Variants in SNTG1 observed in about 807,000 individuals in gnomAD.
SNTG1 encodes the protein gamma-1-syntrophin.
In SNTG1, 39 loss-of-function variants were observed where a neutral mutation model predicts 74.7. That is an observed-to-expected ratio of 0.52 (90% CI 0.40 to 0.68). The LOEUF (loss-of-function observed/expected upper bound fraction) is 0.68, where lower values mean the gene tolerates loss of function less well. Among genes scored for constraint, SNTG1 ranks in the 30% least tolerant of loss-of-function variants. The pLI, the probability that SNTG1 is intolerant of heterozygous loss-of-function variation, is 0.00. For missense variants in SNTG1, 685 were observed against 609.5 expected (o/e 1.12, Z -1.30); for synonymous variants, 254 against 217.1 (o/e 1.17, Z -1.49).
In SNTG1 at chr8:50,312,734, C is replaced by A. The variant is rs899160100; in HGVS notation, c.-27-81478C>A. ...CTACGTTTTCTCAATTCCTAACATG[C>A]CTTCCAGGATTATTGTGAAACAAAA... On this transcript the variant is annotated intron_variant, in intron 2 of 18. Coordinates refer to ENST00000642720, the MANE Select transcript of SNTG1 (RefSeq NM_018967.5). 4.0e-5 allele frequency among the ~76,000 whole-genome samples: 6 copies of A among 150,054 alleles called. No individual in the cohort carries two copies. In the East Asian group the frequency reaches 5.9e-4, roughly 15 times the overall value.
chr8:49,951,364 G>T (rs1209771131), intron 1 of SNTG1, among the ~76,000 whole-genome samples: 2 of 152,176 alleles, frequency 1.3e-5, no homozygotes, highest in Non-Finnish European at 2.9e-5. Context: ...CACAAATCTT[G>T]AGAGACAAAT....
chr8:50,022,050 A>T (rs973673323), intron 1 of SNTG1, among the ~76,000 whole-genome samples: 17 of 152,180 alleles, frequency 1.1e-4, no homozygotes, highest in Non-Finnish European at 2.1e-4. Context: ...CAACACAGTA[A>T]TTCAAAAATT....
intron 17 of SNTG1, among the ~76,000 whole-genome samples, chr8:50,725,626 C>A (rs962731273): frequency 6.6e-6 from 1 of 152,230 alleles, no homozygotes; most frequent in Non-Finnish European, 1.5e-5. Context: ...TTTCACCGCC[C>A]CGTTGAAAGA....
At chr8:50,426,789 A>G (rs1231380918) in intron 4 of SNTG1, among the ~76,000 whole-genome samples, 14 of 152,236 alleles carry the variant, frequency 9.2e-5, no homozygotes, top group East Asian at 5.8e-4. Context: ...CATTCTTGTA[A>G]AATGAAAAAT....
chr8:50,791,740 T>G (rs2095691153), intron 18 of SNTG1, among the ~76,000 whole-genome samples: 1 of 151,796 alleles, frequency 6.6e-6, no homozygotes, highest in Non-Finnish European at 1.5e-5. Context: ...TTTATTACCC[T>G]CTAGTTACCC....
intron 1 of SNTG1, among the ~76,000 whole-genome samples, chr8:50,004,900 C>A (rs1410016590): frequency 6.6e-6 from 1 of 152,120 alleles, no homozygotes; most frequent in East Asian, 1.9e-4. Context: ...AGAAAATGAA[C>A]AAAGTTGGTG....
intron 1 of SNTG1, among the ~76,000 whole-genome samples, chr8:50,093,502 T>C (rs1266107065): frequency 7.9e-5 from 12 of 152,128 alleles, no homozygotes; most frequent in Non-Finnish European, 1.8e-4. Flanking sequence ...GTGGTTTCTG[T>C]GAAGCCAAGT....
At position 50,477,040 on chromosome 8, in the gene SNTG1, C is replaced by G. The variant is rs551364507; in HGVS notation, c.364-25738C>G. 1.5e-3 allele frequency among the ~76,000 whole-genome samples: 234 copies of G among 152,198 alleles called. 2 individuals carry two copies. The highest frequency in any genetic ancestry group is 5.3e-3 in the African/African-American group (220 of 41,504). On this transcript the variant is annotated intron_variant, in intron 8 of 18. Coordinates refer to ENST00000642720, the MANE Select transcript of SNTG1 (RefSeq NM_018967.5). The stretch of plus-strand genomic sequence containing the variant: ...TTAATTCATTATATGAAATACATAT[C>G]TATGAGTCCTCGGTGACATAGATGA...
chr8:50,153,613 C>T (rs1251703403), intron 1 of SNTG1, among the ~76,000 whole-genome samples: 1 of 152,156 alleles, frequency 6.6e-6, no homozygotes, highest in Non-Finnish European at 1.5e-5. Context: ...GTTAGTTTTC[C>T]TTCTACCAGT....
intron 11 of SNTG1, among the ~76,000 whole-genome samples, chr8:50,539,589 C>T (rs2094331948): frequency 1.3e-5 from 2 of 152,174 alleles, no homozygotes; most frequent in African/African-American, 4.8e-5. Context: ...GACTCAGCTC[C>T]TTGCTGGGCC....
chr8:50,129,632 C>T (rs1217484849), intron 1 of SNTG1, among the ~76,000 whole-genome samples: 1 of 152,054 alleles, frequency 6.6e-6, no homozygotes, highest in Non-Finnish European at 1.5e-5. Flanking sequence ...TGAAACTTCT[C>T]CCAATTGTGT....
At chr8:50,595,020 ATGTG>A (rs57799690) in intron 13 of SNTG1, among the ~76,000 whole-genome samples, 88,272 of 147,626 alleles carry the variant, frequency 0.6, 26,918 homozygotes, top group East Asian at 0.76. Context: ...TTTATTGAAG[ATGTG>A]TGTGTGTGTG....
intron 10 of SNTG1, among the ~76,000 whole-genome samples, chr8:50,534,185 A>G (rs1439015048): frequency 2.6e-5 from 4 of 152,198 alleles, no homozygotes; most frequent in Non-Finnish European, 5.9e-5. Context: ...TGGCTCTGCT[A>G]TCAAAAAGGT....
At chr8:50,189,219 A>G (rs2083482797) in intron 2 of SNTG1, among the ~76,000 whole-genome samples, 1 of 152,194 alleles carries the variant, frequency 6.6e-6, no homozygotes, top group Non-Finnish European at 1.5e-5. Flanking sequence ...TATGAATTTA[A>G]GGATGAAATT....
intron 1 of SNTG1, among the ~76,000 whole-genome samples, chr8:50,101,988 T>C (rs1336479018): frequency 2.0e-5 from 3 of 151,906 alleles, no homozygotes; most frequent in African/African-American, 4.8e-5. Flanking sequence ...TTCCAAGTCT[T>C]TGCTATTGTG....
intron 11 of SNTG1, among the ~76,000 whole-genome samples, chr8:50,540,720 TG>T (rs1244999025): frequency 2.0e-5 from 3 of 152,186 alleles, no homozygotes; most frequent in African/African-American, 7.2e-5. Flanking sequence ...TGTTATATGA[TG>T]CTTGATAATT....
chr8:50,587,538 G>A (rs745624277), intron 12 of SNTG1, among the ~76,000 whole-genome samples: 1 of 152,092 alleles, frequency 6.6e-6, no homozygotes, highest in Non-Finnish European at 1.5e-5. Context: ...AAAAATTAGT[G>A]GCTTGGCCGG....
At chr8:50,660,812 T>C (rs963538350) in intron 15 of SNTG1, among the ~76,000 whole-genome samples, 1 of 152,174 alleles carries the variant, frequency 6.6e-6, no homozygotes, top group African/African-American at 2.4e-5. Flanking sequence ...TATCAAGATA[T>C]ACAAACAATA....
chr8:50,683,978 A>G (rs1161596394), intron 15 of SNTG1, among the ~76,000 whole-genome samples: 2 of 152,252 alleles, frequency 1.3e-5, no homozygotes, highest in African/African-American at 4.8e-5. Flanking sequence ...ATGTGAGGAT[A>G]AAGTTTTCAA....
Sources: gnomAD v4.1 joint callset for allele counts (sites outside exome capture counted in the v4.1 genomes callset) on GRCh38, gnomAD v4.1.1 for gene constraint, MANE v1.5 for transcripts, NCBI Gene and HGNC (gene_info 2026-07-23, HGNC 2026-07-21) for gene names.